COL28A1: variants seen among roughly 807,000 people sequenced by gnomAD.
COL28A1 encodes collagen type XXVIII alpha 1 chain.
In COL28A1, 161 loss-of-function variants were observed where a neutral mutation model predicts 150.2. That is an observed-to-expected ratio of 1.07 (90% CI 0.94 to 1.22). COL28A1 has a LOEUF of 1.22. Among genes scored for constraint, COL28A1 ranks in the 50% most tolerant of loss-of-function variants. The probability of loss-of-function intolerance (pLI) is 0.00; values close to 1 mark genes in which losing one functional copy is unlikely to be tolerated. For missense variants in COL28A1, 1,617 were observed against 1,388.3 expected (o/e 1.16, Z -2.62); for synonymous variants, 552 against 469.7 (o/e 1.18, Z -2.26).
At chr7:7,478,826 G>T (rs182735966) in intron 13 of COL28A1, among the ~76,000 whole-genome samples, 1 of 152,234 alleles carries the variant, frequency 6.6e-6, no homozygotes, top group African/African-American at 2.4e-5. Context: ...AGGGCCAGTC[G>T]GCTGCTCCAA....
intron 27 of COL28A1, among the ~76,000 whole-genome samples, chr7:7,388,364 A>T (rs1273783383): frequency 6.6e-6 from 1 of 152,136 alleles, no homozygotes; most frequent in African/African-American, 2.4e-5. Context: ...ATGGCTGCAT[A>T]GTATTCCATG....
Position 7,454,207 on chromosome 7 carries a change from T to G in COL28A1, c.1372-699A>C, listed in dbSNP as rs138398175. 1.5e-3 allele frequency among the ~76,000 whole-genome samples: 230 copies of G among 152,216 alleles called. 2 individuals are homozygous for G. Among genetic ancestry groups the G allele is most frequent in the African/African-American group, 5.1e-3 (211 of 41,540 alleles). ...AAATCTGTGGGCCATTTAAGAGAGA[T>G]TGTAAACATGTTGCTGGAAACAGAA... On this transcript the variant is annotated intron_variant, in intron 16 of 34. Coordinates refer to ENST00000399429, the MANE Select transcript of COL28A1 (RefSeq NM_001037763.3).
chr7:7,497,316 C>A (rs1780274045), intron 11 of COL28A1, among the ~76,000 whole-genome samples: 1 of 152,220 alleles, frequency 6.6e-6, no homozygotes, highest in South Asian at 2.1e-4. Context: ...ATTACCAACA[C>A]ATATGGCACT....
At position 7,444,413 on chromosome 7, in the gene COL28A1, G is replaced by C; in HGVS notation, c.1581+5C>G. The stretch of plus-strand genomic sequence containing the variant: ...ACTCCAGTAATACGAAAAACTTGGT[G>C]TTACCTTCTTCCCTGCAGCTCCATC... On this transcript the variant is annotated splice_donor_5th_base_variant and intron_variant, in intron 19 of 34. Coordinates refer to ENST00000399429, the MANE Select transcript of COL28A1 (RefSeq NM_001037763.3). 6.2e-7 allele frequency: 1 copy of C among 1,613,702 alleles called. No homozygotes were observed. Among genetic ancestry groups the C allele is most frequent in the South Asian group, 1.1e-5 (1 of 90,988 alleles).
chr7:7,380,732 T>C, intron 29 of COL28A1, 37 bp from the exon 30 acceptor site: 1 of 1,613,340 alleles, frequency 6.2e-7, no homozygotes. Flanking sequence ...CAATATAGGT[T>C]GGAACCAGTT....
the COL28A1 span, among the ~76,000 whole-genome samples, chr7:7,350,441 C>T: frequency 1.3e-5 from 2 of 152,012 alleles, no homozygotes; most frequent in African/African-American, 4.8e-5. Context: ...AGATAATGCT[C>T]CAAAATTTGA....
At chr7:7,397,663 G>T (rs918138043) in intron 27 of COL28A1, among the ~76,000 whole-genome samples, 1 of 152,150 alleles carries the variant, frequency 6.6e-6, no homozygotes, top group East Asian at 1.9e-4. Flanking sequence ...CTTCTCAGGC[G>T]TGAGCTTCAA....
intron 33 of COL28A1, among the ~76,000 whole-genome samples, chr7:7,364,418 CAT>C (rs1430303669): frequency 6.6e-6 from 1 of 152,198 alleles, no homozygotes; most frequent in African/African-American, 2.4e-5. Context: ...GAGGACTCTA[CAT>C]AAAAAACTAT....
At chr7:7,495,710 G>A (rs552584260) in intron 11 of COL28A1, among the ~76,000 whole-genome samples, 77 of 152,122 alleles carry the variant, frequency 5.1e-4, no homozygotes, top group African/African-American at 1.8e-3. Context: ...CCTCTACCAC[G>A]CGTCTCCAGT....
chr7:7,452,182 G>T, intron 18 of COL28A1, 137 bp downstream of exon 18: 1 of 1,280,204 alleles, frequency 7.8e-7, no homozygotes, highest in Non-Finnish European at 1.0e-6. Flanking sequence ...AGTAGTAGCC[G>T]CACTTAAAAA....
intron 9 of COL28A1, among the ~76,000 whole-genome samples, chr7:7,510,859 G>C (rs142906248): frequency 2.6e-5 from 4 of 152,296 alleles, no homozygotes; most frequent in Non-Finnish European, 5.9e-5. Flanking sequence ...TCCAAGGTTA[G>C]GGTGTCAGAA....
At chr7:7,455,616 G>C (rs1258600990) in intron 16 of COL28A1, among the ~76,000 whole-genome samples, 1 of 152,092 alleles carries the variant, frequency 6.6e-6, no homozygotes, top group Non-Finnish European at 1.5e-5. Flanking sequence ...TTTAAAAAAT[G>C]GATATGTGGC....
At chr7:7,520,018 G>A in intron 6 of COL28A1, 44 bp downstream of exon 6, 1 of 907,112 alleles carries the variant, frequency 1.1e-6, no homozygotes, top group Non-Finnish European at 1.8e-6. Flanking sequence ...AAAAAGTCTA[G>A]AAGGAGATAC....
At chr7:7,344,168 T>C in the COL28A1 span, among the ~76,000 whole-genome samples, 3 of 152,156 alleles carry the variant, frequency 2.0e-5, no homozygotes, top group African/African-American at 7.2e-5. Context: ...TAGTTATCTA[T>C]AAGTTTGAAT....
the COL28A1 span, among the ~76,000 whole-genome samples, chr7:7,343,404 TTCA>T: frequency 2.2e-4 from 33 of 152,206 alleles, no homozygotes; most frequent in Admixed American, 3.9e-4. Flanking sequence ...TTTTAATCTC[TTCA>T]TCTTTTTCCT....
chr7:7,501,920 G>C (rs1403000243), intron 11 of COL28A1, among the ~76,000 whole-genome samples: 1 of 152,086 alleles, frequency 6.6e-6, no homozygotes, highest in African/African-American at 2.4e-5. Context: ...TTTTGAGACA[G>C]AGTCTCGCTC....
intron 2 of COL28A1, 76 bp from the exon 3 acceptor site, chr7:7,531,980 G>T (rs1782392020): frequency 2.4e-6 from 2 of 830,068 alleles, no homozygotes; most frequent in East Asian, 5.1e-5. Flanking sequence ...AAGCCCTGAA[G>T]TGGTGTGTTG....
In COL28A1 at chr7:7,478,304, A is replaced by C. The variant is rs1789093359; in HGVS notation, c.1165-1124T>G. ...GATGCTCCAAGTCCCCACCAGATTA[A>C]CTAGATACAGAGTGCTGATTGGTGC... On this transcript the variant is annotated intron_variant, in intron 13 of 34. Coordinates refer to ENST00000399429, the MANE Select transcript of COL28A1 (RefSeq NM_001037763.3). 4.0e-5 allele frequency among the ~76,000 whole-genome samples: 6 copies of C among 151,478 alleles called. No homozygotes were observed. In the South Asian group the frequency reaches 1.3e-3, roughly 32 times the overall value.
In COL28A1 at chr7:7,506,017, A is replaced by G. The variant is rs1032150462; in HGVS notation, c.1023T>C (p.Asn341=). ...TTTAATCAAAGGGTAAGATTACCTT[A>G]TTGCCTTGAAACCCCTTTGGGCCTG... The part of the protein sequence containing the change: ...GDPGPKGFQG[N]KGEPGPPGPY... Residue 341 remains asparagine, a synonymous_variant, in exon 11 of 35, where the codon AAT becomes AAC. Transcript: ENST00000399429. 3 of 1,359,946 alleles carry G rather than the reference A, an allele frequency of 2.2e-6. No homozygotes were observed. The highest frequency in any genetic ancestry group is 1.2e-5 in the South Asian group (1 of 85,888). The allele number at this position is 1,359,946 out of a possible 1,614,324, so 84.2% of individuals were successfully genotyped here. A position where few individuals can be genotyped will look rare whatever the true frequency, so the allele number is the denominator to read the frequency against.
Sources: gnomAD v4.1 joint callset for allele counts (sites outside exome capture counted in the v4.1 genomes callset) on GRCh38, gnomAD v4.1.1 for gene constraint, MANE v1.5 for transcripts, NCBI Gene and HGNC (gene_info 2026-07-23, HGNC 2026-07-21) for gene names.